The following BYSL variants were observed in gnomAD, a reference collection of about 807,000 sequenced individuals.
The protein encoded by BYSL is bystin.
BYSL carries 21 observed loss-of-function variants against 45.4 expected under a neutral mutation model. That is an observed-to-expected ratio of 0.46 (90% CI 0.33 to 0.67). BYSL has a LOEUF of 0.67. Among genes scored for constraint, BYSL ranks in the 30% least tolerant of loss-of-function variants. The pLI is 0.02. For synonymous variants in BYSL, 215 were observed against 231.3 expected, an observed-to-expected ratio of 0.93 and a Z score of 0.64; for missense variants, 522 against 578.5, an observed-to-expected ratio of 0.90 and a Z score of 1.00.
chr6:41,928,328 C>G (rs891176278), intron 2 of BYSL, among the ~76,000 whole-genome samples: 1 of 152,116 alleles, frequency 6.6e-6, no homozygotes, highest in African/African-American at 2.4e-5. Flanking sequence ...CATCTCATTG[C>G]TAATCATACT....
Position 41,930,146 on chromosome 6 carries a change from ACAT to A in BYSL, c.453_455del (p.Ile151del), listed in dbSNP as rs755156077. 629 of 1,613,974 alleles carry A rather than the reference ACAT, an allele frequency of 3.9e-4. No homozygotes were observed. Among genetic ancestry groups the A allele is most frequent in the Non-Finnish European group, 5.0e-4 (587 of 1,180,026 alleles). On this transcript the variant is annotated inframe_deletion, in exon 3 of 7. Coordinates refer to ENST00000230340, the MANE Select transcript of BYSL (RefSeq NM_004053.4). ...TCCCCTCTTAGGCGCACCCTGGCTG[ACAT>A]CATCATGGAGAAGCTGACTGAGAAG...
At chr6:41,931,131 T>TCGCAAGAGGAAGGAGAGTA (rs762291093) in intron 4 of BYSL, among the ~76,000 whole-genome samples, 1 of 151,158 alleles carries the variant, frequency 6.6e-6, no homozygotes, top group Non-Finnish European at 1.5e-5. Flanking sequence ...ACTCAACTGA[T>TCGCAAGAGGAAGGAGAGTA]GCTGAGTAGC....
At chr6:41,911,589 A>G in the BYSL span, among the ~76,000 whole-genome samples, 4 of 152,200 alleles carry the variant, frequency 2.6e-5, no homozygotes. Flanking sequence ...AAAAAAAAGT[A>G]GGATTTGAAC....
chr6:41,913,178 A>G, the BYSL span: 1 of 152,110 alleles, frequency 6.6e-6, no homozygotes, highest in African/African-American at 2.4e-5. Context: ...CTAAGTCAGA[A>G]ACTTTGGCGT....
Position 41,932,548 on chromosome 6 carries a change from G to T in BYSL, c.1156G>T (p.Val386Phe). ...GTGGCACCAGTGCCTCCTGACTTTG[G>T]TCCAGCGCTACAAGGCCGACTTGGC... is the stretch of plus-strand genomic sequence containing the variant. ...VLWHQCLLTL[V>F]QRYKADLATD... The change falls in exon 7 of 7, where the codon GTC becomes TTC. Residue 386 changes from valine (V) to phenylalanine (F), a missense_variant. By Grantham distance (50) the Val-to-Phe change is conservative. Transcript: ENST00000230340. This position sits in a 1 kb window ranked among gnomAD's most constrained non-coding sequence, Gnocchi z 4.7. The T allele has an allele frequency of 6.2e-7, 1 of 1,614,202 alleles. No individual in the cohort carries two copies. The highest frequency in any genetic ancestry group is 8.5e-7 in the Non-Finnish European group (1 of 1,180,036).
chr6:41,925,765 A>AACCTCC (rs1242689485), intron 1 of BYSL, among the ~76,000 whole-genome samples: 38 of 151,388 alleles, frequency 2.5e-4, no homozygotes, highest in African/African-American at 8.7e-4. Context: ...ACCTCACCTC[A>AACCTCC]ACCTCCACCT....
intron 2 of BYSL, among the ~76,000 whole-genome samples, chr6:41,929,329 C>T (rs1775604821): frequency 6.6e-6 from 1 of 152,172 alleles, no homozygotes; most frequent in South Asian, 2.1e-4. Flanking sequence ...GAGACCCCAT[C>T]TCTACAGAAG....
At chr6:41,927,659 C>G in intron 2 of BYSL, 123 bp downstream of exon 2, 1 of 1,241,832 alleles carries the variant, frequency 8.1e-7, no homozygotes, top group Non-Finnish European at 1.1e-6. Flanking sequence ...CTGTAGGGGA[C>G]CACCTTGACA....
At chr6:41,918,455 G>C (rs966029382), upstream of BYSL, among the ~76,000 whole-genome samples, 1 of 151,378 alleles carries the variant, frequency 6.6e-6, no homozygotes, top group African/African-American at 2.4e-5. Flanking sequence ...AGTGAGCCAA[G>C]ATCGCACCAC....
intron 2 of BYSL, among the ~76,000 whole-genome samples, chr6:41,928,414 C>G (rs1401038127): frequency 6.6e-6 from 1 of 152,120 alleles, no homozygotes; most frequent in Non-Finnish European, 1.5e-5. Flanking sequence ...AAAATGAGCC[C>G]CTCTCCCAGA....
At chr6:41,919,128 CAAAAAAAAAAA>C (rs35512146), upstream of BYSL, among the ~76,000 whole-genome samples, 9 of 44,890 alleles carry the variant, frequency 2.0e-4, no homozygotes, top group South Asian at 8.7e-4. Flanking sequence ...GACTCTGCCT[CAAAAAAAAAAA>C]AAAAAAAAAA....
In BYSL at chr6:41,921,559, A is replaced by G. The variant is rs1318543262; in HGVS notation, c.-4A>G. On this transcript the variant is annotated 5_prime_UTR_variant, in exon 1 of 7. Transcript: ENST00000230340. ...GATCCTTCCCGGCAACTTTTTCGAG[A>G]AAAATGCCCAAATTCAAGGCGGCCC... The G allele has an allele frequency of 1.3e-6, 2 of 1,555,744 alleles. No homozygotes were observed. Among genetic ancestry groups the G allele is most frequent in the Admixed American group, 1.9e-5 (1 of 52,372 alleles).
At chr6:41,914,689 C>G in the BYSL span, among the ~76,000 whole-genome samples, 2 of 151,450 alleles carry the variant, frequency 1.3e-5, no homozygotes, top group East Asian at 3.9e-4. Flanking sequence ...ACTGTACAGC[C>G]GGGCAACGAA....
Position 41,921,720 on chromosome 6 carries a change from G to C in BYSL, c.158G>C (p.Arg53Pro), listed in dbSNP as rs754927384. The C allele has an allele frequency of 1.2e-6, 2 of 1,613,466 alleles. No homozygotes were observed. Among genetic ancestry groups the C allele is most frequent in the African/African-American group, 1.3e-5 (1 of 74,886 alleles). ...GCGGAGGAAGAGTATGTGGGGCCCC[G>C]GCTGAGCCGACGGATTTTGCAGCAA... ...GEAEEEYVGPRLSRRILQQAR... is the reference protein window; with the variant it reads ...GEAEEEYVGPPLSRRILQQAR... The change falls in exon 1 of 7, where the codon CGG becomes CCG. Residue 53 changes from arginine to proline, a missense_variant. By Grantham distance (103) the Arg-to-Pro change is moderately radical. Coordinates refer to ENST00000230340, the MANE Select transcript of BYSL (RefSeq NM_004053.4).
In BYSL at chr6:41,932,307, T is replaced by G; in HGVS notation, c.969-54T>G. The stretch of plus-strand genomic sequence containing the variant: ...GGAAAGCATAGAGGGAGAAGTAGGA[T>G]CCTTCTTCCAATGTTTTCCCTGCTT... On this transcript the variant is annotated intron_variant, in intron 6 of 6. Coordinates refer to ENST00000230340, the MANE Select transcript of BYSL (RefSeq NM_004053.4). The surrounding 1 kb of genome is among the most constrained non-coding windows in gnomAD (Gnocchi z 4.7). 27 of 1,510,764 alleles carry G rather than the reference T, an allele frequency of 1.8e-5. No homozygotes were observed. Among genetic ancestry groups the G allele is most frequent in the Non-Finnish European group, 2.3e-5 (26 of 1,106,778 alleles). The allele number at this position is 1,510,764 out of a possible 1,614,324, so 93.6% of individuals were successfully genotyped here.
At chr6:41,927,294 A>T in intron 1 of BYSL, 80 bp from the exon 2 acceptor site, 1 of 1,540,992 alleles carries the variant, frequency 6.5e-7, no homozygotes, top group Non-Finnish European at 8.9e-7. Flanking sequence ...GGCCTGTACT[A>T]CATAATGGCT....
chr6:41,926,805 C>T (rs990284509), intron 1 of BYSL, among the ~76,000 whole-genome samples: 5 of 150,842 alleles, frequency 3.3e-5, no homozygotes, highest in Admixed American at 6.6e-5. Context: ...TTAGAAGTTC[C>T]TTCTACAGGC....
upstream of BYSL, chr6:41,921,224 T>C: frequency 1.5e-6 from 1 of 680,346 alleles, no homozygotes; most frequent in Non-Finnish European, 2.4e-6. Context: ...ACTGACATCA[T>C]CTGCGGATTC....
At chr6:41,916,784 C>T, upstream of BYSL, 1 of 1,613,974 alleles carries the variant, frequency 6.2e-7, no homozygotes. Flanking sequence ...ATCTCACTGA[C>T]CTTGGCTGCC....
Sources: allele counts gnomAD v4.1 joint callset (sites outside exome capture counted in the v4.1 genomes callset), GRCh38; gene constraint gnomAD v4.1.1; non-coding constraint Gnocchi (gnomAD v3.1); transcripts MANE v1.5; gene names NCBI Gene and HGNC (gene_info 2026-07-23, HGNC 2026-07-21).